KCNB2: variants seen among roughly 807,000 people sequenced by gnomAD.
KCNB2 encodes the protein delayed rectifier potassium channel protein.
A neutral mutation model predicts 61.5 loss-of-function variants in KCNB2; 15 were observed. The observed-to-expected ratio is 0.24, with a 90% CI of 0.16 to 0.38. The LOEUF (loss-of-function observed/expected upper bound fraction) is 0.38, where lower values mean the gene tolerates loss of function less well. Among genes scored for constraint, KCNB2 ranks in the 10% least tolerant of loss-of-function variants. The pLI is 1.00. For missense variants in KCNB2, 828 were observed against 1,125.2 expected, an observed-to-expected ratio of 0.74 and a Z score of 3.78; for synonymous variants, 457 against 446.0, an observed-to-expected ratio of 1.02 and a Z score of -0.31.
chr8:72,681,875 A>T (rs2256431), intron 2 of KCNB2, among the ~76,000 whole-genome samples: 107,725 of 152,002 alleles, frequency 0.71, 39,081 homozygotes, highest in African/African-American at 0.85. Context: ...TGGTTCATCA[A>T]GGACTGAAGC....
At chr8:72,609,094 C>T (rs545483657) in intron 2 of KCNB2, among the ~76,000 whole-genome samples, 2 of 152,242 alleles carry the variant, frequency 1.3e-5, no homozygotes, top group Admixed American at 6.5e-5. Flanking sequence ...TGGTCTAACA[C>T]CTCTTTCATT....
chr8:72,795,084 A>G (rs1425747014), intron 2 of KCNB2, among the ~76,000 whole-genome samples: 1 of 152,248 alleles, frequency 6.6e-6, no homozygotes, highest in African/African-American at 2.4e-5. Context: ...TAAAAATGGT[A>G]AAGATGTGTG....
chr8:72,646,268 G>A (rs1806127293), intron 2 of KCNB2, among the ~76,000 whole-genome samples: 1 of 151,766 alleles, frequency 6.6e-6, no homozygotes, highest in African/African-American at 2.4e-5. Context: ...TTGTGTATTT[G>A]CATTTTTACT....
intron 2 of KCNB2, among the ~76,000 whole-genome samples, chr8:72,591,052 A>C (rs1807090054): frequency 2.0e-5 from 3 of 152,110 alleles, no homozygotes; most frequent in Admixed American, 2.0e-4. Context: ...AAAATATTTC[A>C]CTCAACTTTT....
intron 2 of KCNB2, among the ~76,000 whole-genome samples, chr8:72,740,135 T>C (rs1016201122): frequency 9.2e-5 from 14 of 152,244 alleles, no homozygotes; most frequent in Admixed American, 2.6e-4. Context: ...TTGATATTGA[T>C]ATTCTTTGAG....
intron 2 of KCNB2, among the ~76,000 whole-genome samples, chr8:72,702,945 T>C (rs1411712151): frequency 6.6e-6 from 1 of 152,182 alleles, no homozygotes; most frequent in Non-Finnish European, 1.5e-5. Context: ...ACTACCCTTC[T>C]GCACAGTGAC....
intron 2 of KCNB2, among the ~76,000 whole-genome samples, chr8:72,718,309 A>T (rs200047857): frequency 1.3e-5 from 2 of 152,172 alleles, no homozygotes; most frequent in African/African-American, 2.4e-5. Context: ...CCATCCCATT[A>T]CTGGGTATAT....
rs796606384 is a variant in KCNB2 at position 72,708,211 on chromosome 8, G to A, written c.579+139898G>A. 2.4e-4 allele frequency among the ~76,000 whole-genome samples: 37 copies of A among 152,338 alleles called. 1 individual carries two copies. The highest frequency in any genetic ancestry group is 8.4e-4 in the African/African-American group (35 of 41,588). On this transcript the variant is annotated intron_variant, in intron 2 of 2. Coordinates refer to ENST00000523207, the MANE Select transcript of KCNB2 (RefSeq NM_004770.3). ...GCCAGAGCAAGATATCGGGAAGGGTGGGGAGAGAACTTGGGGAGCAAATGA... is the reference window on the plus strand; with the variant it reads ...GCCAGAGCAAGATATCGGGAAGGGTAGGGAGAGAACTTGGGGAGCAAATGA...
intron 2 of KCNB2, among the ~76,000 whole-genome samples, chr8:72,632,099 A>C (rs1805891067): frequency 1.3e-5 from 2 of 151,930 alleles, no homozygotes; most frequent in South Asian, 4.2e-4. Flanking sequence ...TTTTTAAATT[A>C]GCTGGATGTG....
intron 2 of KCNB2, among the ~76,000 whole-genome samples, chr8:72,869,583 A>C (rs547223044): frequency 1.2e-3 from 181 of 152,362 alleles, no homozygotes; most frequent in Middle Eastern, 3.4e-3. Context: ...ACAAATGGCC[A>C]ACAGGTATAT....
chr8:72,902,383 A>G (rs750782076), intron 2 of KCNB2, among the ~76,000 whole-genome samples: 8 of 152,160 alleles, frequency 5.3e-5, no homozygotes, highest in Non-Finnish European at 8.8e-5. Context: ...ATGGAGTTTT[A>G]GAGTTTGAGA....
At chr8:72,925,152 G>C (rs1806614593) in intron 2 of KCNB2, among the ~76,000 whole-genome samples, 1 of 152,206 alleles carries the variant, frequency 6.6e-6, no homozygotes, top group Admixed American at 6.5e-5. Context: ...CTGGGACATG[G>C]TCTTTAGATA....
chr8:72,722,048 C>T (rs1387193879), intron 2 of KCNB2, among the ~76,000 whole-genome samples: 1 of 152,216 alleles, frequency 6.6e-6, no homozygotes, highest in Non-Finnish European at 1.5e-5. Context: ...CTGGGAACCC[C>T]AGGATCCTCC....
chr8:72,801,876 T>C (rs1186020140), intron 2 of KCNB2, among the ~76,000 whole-genome samples: 3 of 152,170 alleles, frequency 2.0e-5, no homozygotes. Flanking sequence ...GCCCTCATTT[T>C]CAATTTTACA....
intron 2 of KCNB2, among the ~76,000 whole-genome samples, chr8:72,605,973 A>G (rs895255708): frequency 6.6e-6 from 1 of 152,224 alleles, no homozygotes; most frequent in South Asian, 2.1e-4. Context: ...TGTCAAATTA[A>G]TTGAAGAAAA....
chr8:72,894,390 T>C (rs1805953269), intron 2 of KCNB2, among the ~76,000 whole-genome samples: 1 of 152,174 alleles, frequency 6.6e-6, no homozygotes, highest in Non-Finnish European at 1.5e-5. Flanking sequence ...GGATTTGCAT[T>C]TTATTCTAAA....
chr8:72,539,327 C>A (rs542064915), intron 1 of KCNB2, among the ~76,000 whole-genome samples: 1 of 152,264 alleles, frequency 6.6e-6, no homozygotes, highest in South Asian at 2.1e-4. Flanking sequence ...GAAGGTCCAA[C>A]GTAGAAATAA....
At chr8:72,557,808 T>C (rs1275447983) in intron 1 of KCNB2, among the ~76,000 whole-genome samples, 4 of 152,330 alleles carry the variant, frequency 2.6e-5, no homozygotes. Context: ...CACTGTCCAT[T>C]GTTGGGCAAC....
intron 2 of KCNB2, among the ~76,000 whole-genome samples, chr8:72,811,888 T>C (rs1809311156): frequency 6.6e-6 from 1 of 152,212 alleles, no homozygotes; most frequent in Non-Finnish European, 1.5e-5. Context: ...TTGAGATTTA[T>C]GCACCTTCAC....
Sources: gnomAD v4.1 joint callset for allele counts (sites outside exome capture counted in the v4.1 genomes callset) on GRCh38, gnomAD v4.1.1 for gene constraint, MANE v1.5 for transcripts, NCBI Gene and HGNC (gene_info 2026-07-23, HGNC 2026-07-21) for gene names.